The following SOX6 variants were observed in gnomAD, a reference collection of about 807,000 sequenced individuals.
The protein encoded by SOX6 is transcription factor SOX-6.
Under a neutral mutation model 97.8 loss-of-function variants are expected in SOX6, and 11 were observed. That is an observed-to-expected ratio of 0.11 (90% confidence interval 0.07 to 0.19). SOX6 has a LOEUF of 0.19. SOX6 is among the 10% of genes least tolerant of loss of function. The probability of loss-of-function intolerance (pLI) is 1.00; values close to 1 mark genes in which losing one functional copy is unlikely to be tolerated. For synonymous variants in SOX6, 360 were observed against 371.4 expected, an observed-to-expected ratio of 0.97 and a Z score of 0.35; for missense variants, 810 against 1,039.5, an observed-to-expected ratio of 0.78 and a Z score of 3.04.
At chr11:16,573,361 T>A (rs1847955250) in intron 4 of SOX6, among the ~76,000 whole-genome samples, 1 of 152,234 alleles carries the variant, frequency 6.6e-6, no homozygotes, top group Admixed American at 6.5e-5. Context: ...TGACTCAGTT[T>A]TCCCCTGGAG....
intron 6 of SOX6, among the ~76,000 whole-genome samples, chr11:16,170,732 AACTAGG>A (rs1376591425): frequency 6.6e-6 from 1 of 152,026 alleles, no homozygotes; most frequent in East Asian, 1.9e-4. Context: ...CAGCTCTTTT[AACTAGG>A]CAAGGGAAAT....
intron 4 of SOX6, among the ~76,000 whole-genome samples, chr11:16,536,512 G>A (rs1262815336): frequency 6.6e-6 from 1 of 152,180 alleles, no homozygotes; most frequent in East Asian, 1.9e-4. Flanking sequence ...CGCCTCACCT[G>A]GGAAGCACAA....
chr11:16,685,707 T>A (rs1371820762), intron 3 of SOX6, among the ~76,000 whole-genome samples: 1 of 152,246 alleles, frequency 6.6e-6, no homozygotes, highest in Non-Finnish European at 1.5e-5. Context: ...AGTGGATCTG[T>A]CATTCTTGGG....
chr11:16,718,929 G>A (rs1363884979), intron 2 of SOX6, among the ~76,000 whole-genome samples: 11 of 149,354 alleles, frequency 7.4e-5, no homozygotes, highest in Non-Finnish European at 1.6e-4. Context: ...CACAGGAGTT[G>A]GAGACCAGCC....
rs951594119 is a variant in SOX6, at chr11:16,502,013, G to A, written n.610-25625C>T. 2.2e-4 allele frequency among the ~76,000 whole-genome samples: 33 copies of A among 152,236 alleles called. No individual in the cohort carries two copies. In the South Asian group the frequency reaches 5.4e-3, roughly 25 times the overall value. On this transcript the variant is annotated intron_variant and non_coding_transcript_variant, in intron 4 of 5. Coordinates refer to the SOX6 transcript ENST00000524520. The stretch of plus-strand genomic sequence containing the variant: ...TGCTGCTATAAAGACACATGCACAC[G>A]TATGTTTATTGCGGCACTATTCACA...
chr11:16,176,121 G>C (rs1216061930), intron 6 of SOX6, among the ~76,000 whole-genome samples: 2 of 151,566 alleles, frequency 1.3e-5, no homozygotes, highest in Admixed American at 6.6e-5. Flanking sequence ...GAGACAGAGA[G>C]AGAGAGAGAG....
At chr11:16,389,006 T>C (rs1281268862) in intron 1 of SOX6, among the ~76,000 whole-genome samples, 1 of 152,216 alleles carries the variant, frequency 6.6e-6, no homozygotes, top group Non-Finnish European at 1.5e-5. Flanking sequence ...TGTTAGACCT[T>C]TTAATATTGT....
chr11:16,515,117 G>A (rs1178224023), intron 4 of SOX6, among the ~76,000 whole-genome samples: 8 of 149,112 alleles, frequency 5.4e-5, no homozygotes, highest in Non-Finnish European at 7.5e-5. Flanking sequence ...CTGAGGAATC[G>A]CCACACTGAC....
intron 4 of SOX6, among the ~76,000 whole-genome samples, chr11:16,518,131 C>T (rs1335309548): frequency 2.0e-5 from 3 of 152,144 alleles, no homozygotes; most frequent in Admixed American, 6.5e-5. Flanking sequence ...AAATCTTTAC[C>T]GTCCTGTTAA....
intron 1 of SOX6, among the ~76,000 whole-genome samples, chr11:16,379,625 A>ATGAGT (rs1479116921): frequency 6.6e-6 from 1 of 152,200 alleles, no homozygotes; most frequent in Non-Finnish European, 1.5e-5. Flanking sequence ...ATGAGGAAAA[A>ATGAGT]TGAGTACTCT....
chr11:16,730,408 G>T (rs1476682217), intron 2 of SOX6, among the ~76,000 whole-genome samples: 1 of 152,130 alleles, frequency 6.6e-6, no homozygotes, highest in Non-Finnish European at 1.5e-5. Flanking sequence ...TTCAGACCCA[G>T]TGCAGTCAAA....
At chr11:16,375,126 CAT>C (rs1480547434) in intron 1 of SOX6, among the ~76,000 whole-genome samples, 4 of 151,932 alleles carry the variant, frequency 2.6e-5, no homozygotes, top group Admixed American at 6.6e-5. Context: ...TCCAACAACT[CAT>C]GTGAAAAAAA....
intron 4 of SOX6, among the ~76,000 whole-genome samples, chr11:16,512,966 A>G (rs1450842284): frequency 6.6e-6 from 1 of 152,240 alleles, no homozygotes; most frequent in African/African-American, 2.4e-5. Context: ...CAAATAAGTC[A>G]GTTCCTTGAA....
chr11:16,116,846 C>T (rs1247961464), intron 6 of SOX6, among the ~76,000 whole-genome samples: 12 of 152,154 alleles, frequency 7.9e-5, no homozygotes, highest in Admixed American at 7.9e-4. Context: ...GGAGCACCAA[C>T]TCTATTGTGA....
At chr11:16,519,352 C>T (rs905214346) in intron 4 of SOX6, among the ~76,000 whole-genome samples, 1 of 152,122 alleles carries the variant, frequency 6.6e-6, no homozygotes, top group African/African-American at 2.4e-5. Flanking sequence ...CTCTCTCCAA[C>T]CCTCTCCCTT....
chr11:16,208,211 T>C (rs1189319772), intron 4 of SOX6, among the ~76,000 whole-genome samples: 1 of 152,218 alleles, frequency 6.6e-6, no homozygotes, highest in Non-Finnish European at 1.5e-5. Context: ...GCCTATTTCC[T>C]TCATCAGTAT....
At chr11:16,367,699 C>A (rs1267305520) in intron 1 of SOX6, among the ~76,000 whole-genome samples, 1 of 152,126 alleles carries the variant, frequency 6.6e-6, no homozygotes, top group Non-Finnish European at 1.5e-5. Context: ...TTTACAAATT[C>A]TAGGAGCTTA....
At chr11:16,661,368 A>G (rs1847764309) in intron 3 of SOX6, among the ~76,000 whole-genome samples, 1 of 152,174 alleles carries the variant, frequency 6.6e-6, no homozygotes, top group Non-Finnish European at 1.5e-5. Context: ...AACAAAATAT[A>G]ATTGGGTCAT....
intron 3 of SOX6, chr11:16,312,627 G>A (rs1459870843): frequency 6.6e-6 from 1 of 152,150 alleles, no homozygotes. Flanking sequence ...TATTCTCCTA[G>A]GCAGTGCCTG....
Sources: allele counts gnomAD v4.1 joint callset (sites outside exome capture counted in the v4.1 genomes callset), GRCh38; gene constraint gnomAD v4.1.1; transcripts MANE v1.5; gene names NCBI Gene and HGNC (gene_info 2026-07-23, HGNC 2026-07-21).